NT5C3A: variants seen among roughly 807,000 people sequenced by gnomAD.
The protein encoded by NT5C3A is 5'-nucleotidase, cytosolic IIIA, also known as cytosolic 5'-nucleotidase 3A.
In NT5C3A, 23 loss-of-function variants were observed where a neutral mutation model predicts 40.0. The ratio of observed to expected loss-of-function variants is 0.58; its 90% CI spans 0.41 to 0.81. The LOEUF (loss-of-function observed/expected upper bound fraction) is 0.81. NT5C3A is among the 40% of genes least tolerant of loss of function. The probability of loss-of-function intolerance (pLI) is 0.00; values close to 1 mark genes in which losing one functional copy is unlikely to be tolerated. For synonymous variants in NT5C3A, 130 were observed against 141.4 expected (o/e 0.92, Z 0.57); for missense variants, 328 against 403.0 (o/e 0.81, Z 1.59).
In NT5C3A at chr7:33,062,595, C is replaced by A. The variant is rs747137547; in HGVS notation, c.111G>T (p.Thr37=). 3 of 1,610,050 alleles carry A rather than the reference C, an allele frequency of 1.9e-6. No individual in the cohort carries two copies. The highest frequency in any genetic ancestry group is 1.3e-5 in the African/African-American group (1 of 74,740). ...AQYIFTLKRK[T]GRKTKIIEMM... The stretch of plus-strand genomic sequence containing the variant: ...TCTCGATGATCTTGGTCTTCCGCCC[C>A]GTCTTCCTCTTCAAGGTGAATATGT... The change falls in exon 1 of 9, where the codon ACG becomes ACT. Residue 37 remains threonine, a synonymous_variant. Transcript: ENST00000610140.
intron 1 of NT5C3A, among the ~76,000 whole-genome samples, chr7:33,033,609 T>TAGA (rs745424379): frequency 3.9e-5 from 6 of 152,018 alleles, no homozygotes; most frequent in Non-Finnish European, 7.4e-5. Context: ...GTAAAAGGAA[T>TAGA]AGAAGAAACA....
intron 3 of NT5C3A, among the ~76,000 whole-genome samples, chr7:33,022,791 A>G (rs1785697986): frequency 6.6e-6 from 1 of 152,206 alleles, no homozygotes. Context: ...ATCTGCTATT[A>G]GTAATAATTT....
At chr7:33,051,812 G>A (rs775325501) in intron 1 of NT5C3A, among the ~76,000 whole-genome samples, 2 of 152,052 alleles carry the variant, frequency 1.3e-5, no homozygotes, top group East Asian at 1.9e-4. Context: ...CATACCCAAA[G>A]CCTCTCTAGC....
In NT5C3A at chr7:33,026,899, T is replaced by C. The variant is rs201555335; in HGVS notation, c.155A>G (p.Lys52Arg). The change falls in exon 2 of 9, where the codon AAA becomes AGA. Residue 52 changes from lysine (K) to arginine (R), a missense_variant. By Grantham distance (26) the Lys-to-Arg change is conservative (BLOSUM62 2). Coordinates refer to ENST00000610140, the MANE Select transcript of NT5C3A (RefSeq NM_001002010.5). Reference protein sequence around the residue: ...KIIEMMPEFQKSSVRIKNPTR... With the variant: ...KIIEMMPEFQRSSVRIKNPTR... ...AGGGTTCTTGATTCGAACTGAACTT[T>C]TCTGGAATTCTGGCATCTAAAAGTA... The C allele has an allele frequency of 1.2e-6, 2 of 1,609,996 alleles. No homozygotes were observed. Among genetic ancestry groups the C allele is most frequent in the African/African-American group, 2.7e-5 (2 of 74,938 alleles).
chr7:33,054,650 T>C lies in NT5C3A; in HGVS notation c.138+7918A>G, dbSNP rs146528646. The stretch of plus-strand genomic sequence containing the variant: ...ATATGAAATTCATTTATGTTTCACA[T>C]CTACCTTATATACATGGCCTAAAAG... On this transcript the variant is annotated intron_variant, in intron 1 of 8. Coordinates refer to ENST00000610140, the MANE Select transcript of NT5C3A (RefSeq NM_001002010.5). 5.9e-5 allele frequency among the ~76,000 whole-genome samples: 9 copies of C among 152,348 alleles called. No individual in the cohort carries two copies. In the East Asian group the frequency reaches 1.7e-3, roughly 29 times the overall value.
At chr7:33,028,333 C>A (rs1044414182) in intron 1 of NT5C3A, among the ~76,000 whole-genome samples, 2 of 152,150 alleles carry the variant, frequency 1.3e-5, no homozygotes, top group African/African-American at 4.8e-5. Context: ...ACAATTTAAT[C>A]TTAAGTATTA....
At chr7:33,045,802 A>G (rs1787122634) in intron 1 of NT5C3A, 2 of 151,792 alleles carry the variant, frequency 1.3e-5, no homozygotes, top group African/African-American at 4.8e-5. Flanking sequence ...AAACATAGAG[A>G]CAGGGTCTCA....
intron 1 of NT5C3A, chr7:33,038,891 G>A (rs539908462): frequency 1.9e-4 from 85 of 456,468 alleles, no homozygotes; most frequent in African/African-American, 1.5e-3. Flanking sequence ...TGTAGAAGAC[G>A]TGTTCAAAAA....
intron 1 of NT5C3A, among the ~76,000 whole-genome samples, chr7:33,049,589 G>A (rs1336685024): frequency 6.6e-6 from 1 of 152,156 alleles, no homozygotes; most frequent in African/African-American, 2.4e-5. Flanking sequence ...TTAGGAACAT[G>A]TGACAAAATC....
Position 33,014,706 on chromosome 7 carries a change from G to A in NT5C3A, c.*24C>T, listed in dbSNP as rs772206645. 6.2e-7 allele frequency: 1 copy of A among 1,609,948 alleles called. No homozygotes were observed. Among genetic ancestry groups the A allele is most frequent in the Non-Finnish European group, 8.5e-7 (1 of 1,178,516 alleles). ...ACAGTTCAATTGCACCCACAGGAGA[G>A]AGGTCTTCTTGGAGAATGCTTGTTT... On this transcript the variant is annotated 3_prime_UTR_variant, in exon 9 of 9. Transcript: ENST00000610140.
Position 33,053,241 on chromosome 7 carries a change from G to A in NT5C3A, c.138+9327C>T, listed in dbSNP as rs184816719. ...TTGCTCTGTTGCCCAGAGCTGGAGTGCAATGGTGTAATTTTGGCTCACGGC... is the reference window on the plus strand; with the variant it reads ...TTGCTCTGTTGCCCAGAGCTGGAGTACAATGGTGTAATTTTGGCTCACGGC... On this transcript the variant is annotated intron_variant, in intron 1 of 8. Transcript: ENST00000610140. 3.3e-5 allele frequency among the ~76,000 whole-genome samples: 5 copies of A among 152,224 alleles called. No individual in the cohort carries two copies. The East Asian group carries it at 9.7e-4, about 30-fold the overall frequency.
At chr7:33,051,956 A>T (rs1409350739) in intron 1 of NT5C3A, among the ~76,000 whole-genome samples, 1 of 152,218 alleles carries the variant, frequency 6.6e-6, no homozygotes, top group Non-Finnish European at 1.5e-5. Context: ...TGATATGTCA[A>T]ACAATATAAA....
intron 1 of NT5C3A, among the ~76,000 whole-genome samples, chr7:33,030,069 A>G: frequency 6.6e-6 from 1 of 152,194 alleles, no homozygotes; most frequent in Non-Finnish European, 1.5e-5. Context: ...GTTATATAGT[A>G]TACTATACTC....
chr7:33,026,875 G>C lies in NT5C3A; in HGVS notation c.179C>G (p.Pro60Arg). The C allele has an allele frequency of 6.2e-7, 1 of 1,612,810 alleles. No individual in the cohort carries two copies. The highest frequency in any genetic ancestry group is 1.3e-5 in the African/African-American group (1 of 74,936). ...ACAGATAATTTCTTCTACTCTTGTA[G>C]GGTTCTTGATTCGAACTGAACTTTT... ...FQKSSVRIKN[P>R]TRVEEIICGL... The change falls in exon 2 of 9, where the codon CCT (proline) becomes CGT (arginine). Residue 60 changes from proline to arginine, a missense_variant. Around this residue, in one of 3 missense-constraint regions of NT5C3A, gnomAD observed 280 missense variants for 317.2 expected, o/e 0.88. Coordinates refer to ENST00000610140, the MANE Select transcript of NT5C3A (RefSeq NM_001002010.5).
At chr7:33,057,826 G>A (rs545872463) in intron 1 of NT5C3A, among the ~76,000 whole-genome samples, 1 of 152,330 alleles carries the variant, frequency 6.6e-6, no homozygotes, top group South Asian at 2.1e-4. Context: ...TGGTTGTGGA[G>A]GTTCTAGTGA....
intron 1 of NT5C3A, among the ~76,000 whole-genome samples, chr7:33,058,110 G>T (rs943951180): frequency 6.6e-6 from 1 of 151,998 alleles, no homozygotes; most frequent in African/African-American, 2.4e-5. Context: ...AAAATTTGCT[G>T]ATAAAAATAG....
chr7:33,021,198 T>G lies in NT5C3A; in HGVS notation c.440+74A>C, dbSNP rs879115012. 4 of 1,588,872 alleles carry G rather than the reference T, an allele frequency of 2.5e-6. No homozygotes were observed. In the South Asian group the frequency reaches 4.6e-5, roughly 18 times the overall value. On this transcript the variant is annotated intron_variant, in intron 5 of 8. Transcript: ENST00000610140. ...GTTTGTTTGCAATACAGGTAAAAAA[T>G]AAGCCATCAGTTGTAACTGCAGTGT...
rs70989927 is a variant in NT5C3A, at chr7:33,056,473, CAAAAAAAAAAAAAAAAAAAAA to C, written c.138+6074_138+6094del. Among the ~76,000 whole-genome samples, 87 of 43,722 alleles carry C rather than the reference CAAAAAAAAAAAAAAAAAAAAA, an allele frequency of 2.0e-3. 1 individual carries two copies. Among genetic ancestry groups the C allele is most frequent in the East Asian group, 0.019 (18 of 972 alleles). 28.7% of individuals were successfully genotyped at this position (43,722 alleles called of 152,430 possible). A position where few individuals can be genotyped will look rare whatever the true frequency, so the allele number is the denominator to read the frequency against. ...GCAAATAGTGAGACCCCGTCTCTAC[CAAAAAAAAAAAAAAAAAAAAA>C]AAAAAAAAAAAAAAAAAAAAAATTT... On this transcript the variant is annotated intron_variant, in intron 1 of 8. Transcript: ENST00000610140.
At chr7:33,041,327 A>AGGAGGAGC (rs1583948956) in intron 1 of NT5C3A, among the ~76,000 whole-genome samples, 2 of 152,174 alleles carry the variant, frequency 1.3e-5, no homozygotes, top group African/African-American at 4.8e-5. Flanking sequence ...GAGGATGGGG[A>AGGAGGAGC]ATTATTGCTC....
Sources: allele counts gnomAD v4.1 joint callset (sites outside exome capture counted in the v4.1 genomes callset), GRCh38; gene constraint gnomAD v4.1.1; regional missense constraint gnomAD v4.1.1; transcripts MANE v1.5; gene names NCBI Gene and HGNC (gene_info 2026-07-23, HGNC 2026-07-21).